Variants in RBM17 observed in about 807,000 individuals in gnomAD.
RBM17 encodes the protein splicing factor 45.
In RBM17, 7 loss-of-function variants were observed where a neutral mutation model predicts 53.2. That is an observed-to-expected ratio of 0.13 (90% CI 0.07 to 0.25). The LOEUF is 0.25. RBM17 is among the 10% of genes least tolerant of loss of function. RBM17 has a pLI of 1.00. For synonymous variants in RBM17, 167 were observed against 178.1 expected, an observed-to-expected ratio of 0.94 and a Z score of 0.50; for missense variants, 257 against 496.7, an observed-to-expected ratio of 0.52 and a Z score of 4.59.
At chr10:6,110,527 C>T (rs1840821871) in intron 7 of RBM17, among the ~76,000 whole-genome samples, 1 of 152,092 alleles carries the variant, frequency 6.6e-6, no homozygotes, top group Admixed American at 6.6e-5. Flanking sequence ...GGTTCTAAAC[C>T]TTTGGTCTAA....
Position 6,112,147 on chromosome 10 carries a change from A to G in RBM17, c.705-63A>G. ...AGAAGGAGGTTGTTGTGATGGAAAA[A>G]TGCAACCTATCTCCAGTTGACGATG... On this transcript the variant is annotated intron_variant, in intron 7 of 11. Transcript: ENST00000379888. The surrounding 1 kb of genome is among the most constrained non-coding windows in gnomAD (Gnocchi z 4.4). The G allele has an allele frequency of 6.4e-7, 1 of 1,563,726 alleles. No homozygotes were observed. The highest frequency in any genetic ancestry group is 1.2e-5 in the South Asian group (1 of 86,226).
intron 3 of RBM17, among the ~76,000 whole-genome samples, chr10:6,101,972 CAT>C (rs1250936472): frequency 1.9e-4 from 29 of 152,218 alleles, no homozygotes; most frequent in African/African-American, 2.6e-4. Flanking sequence ...TAAAAACAAA[CAT>C]GTGGTCAACT....
intron 5 of RBM17, 34 bp downstream of exon 5, chr10:6,106,272 T>C (rs1432716237): frequency 7.3e-7 from 1 of 1,377,358 alleles, no homozygotes; most frequent in Non-Finnish European, 1.0e-6. Flanking sequence ...TAAACATATA[T>C]AAATACTGGA....
At chr10:6,091,754 AG>A (rs910793844) in intron 1 of RBM17, among the ~76,000 whole-genome samples, 56 of 152,156 alleles carry the variant, frequency 3.7e-4, no homozygotes, top group African/African-American at 1.3e-3. Flanking sequence ...CCCTGCCTTT[AG>A]GGGGCTTACA....
intron 10 of RBM17, 118 bp from the exon 11 acceptor site, chr10:6,115,121 C>T: frequency 1.3e-6 from 1 of 776,762 alleles, no homozygotes; most frequent in Non-Finnish European, 2.1e-6. Context: ...TATTTGACAA[C>T]TACTTGACTG....
In RBM17 at chr10:6,089,332, C is replaced by A. The variant is rs147454255; in HGVS notation, c.-19+139C>A. 1,109 of 152,336 alleles carry A rather than the reference C, an allele frequency of 7.3e-3. 5 individuals are homozygous for A. The highest frequency in any genetic ancestry group is 0.012 in the Non-Finnish European group (822 of 68,024). The allele number at this position is 152,336 out of a possible 1,614,324, so 9.4% of individuals were successfully genotyped here. A position where few individuals can be genotyped will look rare whatever the true frequency, so the allele number is the denominator to read the frequency against. On this transcript the variant is annotated intron_variant, in intron 1 of 11. Coordinates refer to ENST00000379888, the MANE Select transcript of RBM17 (RefSeq NM_032905.5). The surrounding 1 kb of genome is among the most constrained non-coding windows in gnomAD (Gnocchi z 5.6). ...GGAGGCCGGGCCAGCGCAGCCGGAG[C>A]CTCCGAGGGTCTCAGTCCCCGCGGC...
intron 9 of RBM17, 127 bp downstream of exon 9, chr10:6,113,708 C>G (rs1247184248): frequency 1.5e-6 from 1 of 683,144 alleles, no homozygotes; most frequent in African/African-American, 1.8e-5. Flanking sequence ...TGGGCAGATC[C>G]CACGTAAGGC....
rs570545611 is a variant in RBM17, at chr10:6,113,764, A to C, written c.930+183A>C. 4.7e-5 allele frequency: 28 copies of C among 600,416 alleles called. No homozygotes were observed. In the East Asian group the frequency reaches 7.7e-4, roughly 16 times the overall value. The allele number at this position is 600,416 out of a possible 1,614,324, so 37.2% of individuals were successfully genotyped here. ...ATGTGTAAGTCTCTTTGCTAAGTAC[A>C]GTGTTTAAGACTGCAGTGAGTAATT... On this transcript the variant is annotated intron_variant, in intron 9 of 11. Coordinates refer to ENST00000379888, the MANE Select transcript of RBM17 (RefSeq NM_032905.5).
At chr10:6,097,943 A>G (rs1370743126) in intron 2 of RBM17, among the ~76,000 whole-genome samples, 1 of 152,220 alleles carries the variant, frequency 6.6e-6, no homozygotes, top group Admixed American at 6.5e-5. Context: ...TGCTGCGTGC[A>G]ACTTATTGAG....
At chr10:6,114,346 A>T in intron 10 of RBM17, 199 bp downstream of exon 10, 1 of 444,112 alleles carries the variant, frequency 2.3e-6, no homozygotes, top group Non-Finnish European at 4.2e-6. Flanking sequence ...TATTTGATGA[A>T]GAAACAGGAA....
At chr10:6,113,346 G>A in intron 8 of RBM17, 162 bp from the exon 9 acceptor site, 2 of 544,422 alleles carry the variant, frequency 3.7e-6, no homozygotes, top group Admixed American at 3.4e-5. Context: ...AGATAAGGCT[G>A]TGTTTTCGCT....
chr10:6,101,483 G>A (rs2132944898), intron 3 of RBM17, 96 bp downstream of exon 3: 1 of 586,418 alleles, frequency 1.7e-6, no homozygotes, highest in Non-Finnish European at 2.8e-6. Flanking sequence ...CCTCCTTGGT[G>A]GGCCTTTGAA....
At chr10:6,109,929 G>A in intron 6 of RBM17, 57 bp from the exon 7 acceptor site, 2 of 1,394,344 alleles carry the variant, frequency 1.4e-6, no homozygotes, top group Non-Finnish European at 1.9e-6. Context: ...ATACAAGTGA[G>A]GTTTCAGAGT....
intron 5 of RBM17, chr10:6,108,368 C>CT: frequency 2.7e-6 from 1 of 365,974 alleles, no homozygotes. Flanking sequence ...TTACATTACT[C>CT]TCTTTTTAAG....
chr10:6,094,270 A>C (rs1320406370), intron 1 of RBM17, among the ~76,000 whole-genome samples: 1 of 152,012 alleles, frequency 6.6e-6, no homozygotes, highest in East Asian at 1.9e-4. Flanking sequence ...GAGACACCGC[A>C]CCCGGCCTGG....
intron 3 of RBM17, among the ~76,000 whole-genome samples, chr10:6,102,351 C>CGAG (rs1018062850): frequency 6.6e-6 from 1 of 152,146 alleles, no homozygotes; most frequent in African/African-American, 2.4e-5. Context: ...GGTTGGGCTC[C>CGAG]GTCTCCTGCC....
intron 9 of RBM17, 103 bp downstream of exon 9, chr10:6,113,684 T>C: frequency 2.5e-6 from 2 of 791,970 alleles, no homozygotes; most frequent in Non-Finnish European, 4.3e-6. Context: ...ATGATACTTT[T>C]GCAAATAATA....
At chr10:6,091,311 G>A (rs529517610) in intron 1 of RBM17, among the ~76,000 whole-genome samples, 2 of 152,084 alleles carry the variant, frequency 1.3e-5, no homozygotes, top group African/African-American at 2.4e-5. Context: ...CTCCTGCCTC[G>A]GCCTCCCAAA....
chr10:6,114,216 A>G (rs1840880600), intron 10 of RBM17, 69 bp downstream of exon 10: 6 of 904,762 alleles, frequency 6.6e-6, no homozygotes, highest in East Asian at 2.6e-5. Context: ...ATTTTCTACA[A>G]ACAGGACAGG....
Sources: allele counts gnomAD v4.1 joint callset (sites outside exome capture counted in the v4.1 genomes callset), GRCh38; gene constraint gnomAD v4.1.1; non-coding constraint Gnocchi (gnomAD v3.1); transcripts MANE v1.5; gene names NCBI Gene and HGNC (gene_info 2026-07-23, HGNC 2026-07-21).